The following CCDC3 variants were observed in gnomAD, a reference collection of about 807,000 sequenced individuals.
CCDC3 encodes coiled-coil domain containing 3.
CCDC3 carries 24 observed loss-of-function variants against 21.4 expected under a neutral mutation model. That is an observed-to-expected ratio of 1.12 (90% CI 0.81 to 1.58). The LOEUF (loss-of-function observed/expected upper bound fraction) is 1.58. CCDC3 is among the 40% of genes most tolerant of loss of function. The pLI, the probability that CCDC3 is intolerant of heterozygous loss-of-function variation, is 0.00. For missense variants in CCDC3, 425 were observed against 360.9 expected (o/e 1.18, Z -1.44); for synonymous variants, 186 against 166.0 (o/e 1.12, Z -0.93).
At chr10:13,069,458 C>G (rs1020114282) in intron 4 of CCDC3, among the ~76,000 whole-genome samples, 2 of 152,120 alleles carry the variant, frequency 1.3e-5, no homozygotes, top group Admixed American at 1.3e-4. Context: ...ATTTCTGAGT[C>G]ATTATTTTGG....
intron 2 of CCDC3, among the ~76,000 whole-genome samples, chr10:12,988,635 C>T (rs1472717527): frequency 2.0e-5 from 3 of 152,076 alleles, no homozygotes; most frequent in Admixed American, 6.5e-5. Context: ...TGAGCCACCG[C>T]GCCCCACCTA....
At chr10:12,921,172 C>A (rs890798638) in intron 2 of CCDC3, among the ~76,000 whole-genome samples, 1 of 152,144 alleles carries the variant, frequency 6.6e-6, no homozygotes. Flanking sequence ...CTCTCTTTTG[C>A]GAGCAGTCTG....
intron 2 of CCDC3, among the ~76,000 whole-genome samples, chr10:12,947,637 A>G (rs1355780061): frequency 6.6e-6 from 1 of 152,220 alleles, no homozygotes; most frequent in African/African-American, 2.4e-5. Flanking sequence ...AGATCTTCTA[A>G]TTATTTTGAG....
At chr10:12,918,871 G>A (rs928631632) in intron 2 of CCDC3, among the ~76,000 whole-genome samples, 1 of 152,092 alleles carries the variant, frequency 6.6e-6, no homozygotes, top group Non-Finnish European at 1.5e-5. Flanking sequence ...GGCTAACACG[G>A]TGAAACCCCA....
At chr10:12,983,859 C>T (rs145306377) in intron 2 of CCDC3, among the ~76,000 whole-genome samples, 29 of 152,210 alleles carry the variant, frequency 1.9e-4, no homozygotes, top group African/African-American at 6.5e-4. Context: ...GTGGGCAGAT[C>T]ACTTGAGGTC....
At chr10:12,985,586 T>C (rs1161568879) in intron 2 of CCDC3, among the ~76,000 whole-genome samples, 1 of 152,214 alleles carries the variant, frequency 6.6e-6, no homozygotes, top group East Asian at 1.9e-4. Flanking sequence ...CATGGAATAC[T>C]ACCCAGCAAT....
intron 3 of CCDC3, among the ~76,000 whole-genome samples, chr10:13,097,274 C>T (rs1409701403): frequency 1.3e-5 from 2 of 152,198 alleles, no homozygotes; most frequent in African/African-American, 4.8e-5. Context: ...AGTCACCAAA[C>T]GGGATGATCC....
At position 12,983,128 on chromosome 10, in the gene CCDC3, GTGTATATATATATATATATATATATA is replaced by G. The variant is rs1199253222; in HGVS notation, c.549+15184_549+15209del. 8.5e-3 allele frequency among the ~76,000 whole-genome samples: 1,002 copies of G among 117,846 alleles called. 33 individuals carry two copies. Among genetic ancestry groups the G allele is most frequent in the African/African-American group, 0.03 (914 of 30,946 alleles). 77.3% of individuals were successfully genotyped at this position (117,846 alleles called of 152,430 possible). On this transcript the variant is annotated intron_variant, in intron 2 of 2. Transcript: ENST00000378825. ...AAAAAATAAATAAATAAATAAAATA[GTGTATATATATATATATATATATATA>G]TATATATATATATATATATAAAATC... is the stretch of plus-strand genomic sequence containing the variant.
intron 5 of CCDC3, among the ~76,000 whole-genome samples, chr10:13,047,690 CG>C (rs1318351259): frequency 1.3e-5 from 2 of 152,106 alleles, no homozygotes; most frequent in Non-Finnish European, 2.9e-5. Context: ...GATCTCCATC[CG>C]TGCCCTCCCT....
At chr10:13,057,135 A>T (rs966465075) in intron 4 of CCDC3, among the ~76,000 whole-genome samples, 7 of 152,004 alleles carry the variant, frequency 4.6e-5, no homozygotes, top group South Asian at 4.2e-4. Flanking sequence ...TCTATCAAAA[A>T]TTTTTTTAAA....
chr10:12,992,085 G>A (rs541091116), intron 2 of CCDC3, among the ~76,000 whole-genome samples: 29 of 151,006 alleles, frequency 1.9e-4, no homozygotes, highest in Non-Finnish European at 3.7e-4. Context: ...AAAAAAGAAA[G>A]AAAAAACAAA....
chr10:12,940,756 G>C (rs1330157896), intron 2 of CCDC3, among the ~76,000 whole-genome samples: 1 of 152,210 alleles, frequency 6.6e-6, no homozygotes, highest in Non-Finnish European at 1.5e-5. Context: ...AATTAAGTGA[G>C]AAAGAGCCTA....
rs1389300381 is a variant in CCDC3, at chr10:13,079,269, C to T, written c.-502-5169G>A. Among the ~76,000 whole-genome samples, 3 of 7,176 alleles carry T rather than the reference C, an allele frequency of 4.2e-4. No homozygotes were observed. The Non-Finnish European group carries it at 5.0e-3, about 12-fold the overall frequency. 4.7% of individuals were successfully genotyped at this position (7,176 alleles called of 152,430 possible). On this transcript the variant is annotated intron_variant, in intron 3 of 6. Transcript: ENST00000378839. ...TCTCTAGTCCTCTCTCATGAGGAGGCACGCGTTGTGGCCTTAGGGGTAAGG... is the reference window on the plus strand; with the variant it reads ...TCTCTAGTCCTCTCTCATGAGGAGGTACGCGTTGTGGCCTTAGGGGTAAGG...
intron 1 of CCDC3, 53 bp from the exon 2 acceptor site, chr10:12,998,565 A>G: frequency 2.6e-6 from 4 of 1,550,372 alleles, no homozygotes; most frequent in Non-Finnish European, 3.5e-6. Context: ...AGGGTGTACC[A>G]GCTCCAATCC....
chr10:12,939,895 C>T (rs1762047316), intron 2 of CCDC3, among the ~76,000 whole-genome samples: 1 of 152,206 alleles, frequency 6.6e-6, no homozygotes, highest in Non-Finnish European at 1.5e-5. Flanking sequence ...TGCTAATTCA[C>T]TTGGCTAATT....
chr10:12,994,548 A>G (rs1165274401), intron 2 of CCDC3, among the ~76,000 whole-genome samples: 1 of 152,160 alleles, frequency 6.6e-6, no homozygotes, highest in South Asian at 2.1e-4. Flanking sequence ...CAGGCCCTTC[A>G]TAACTGCTCT....
At chr10:12,996,499 C>A (rs112890838) in intron 2 of CCDC3, among the ~76,000 whole-genome samples, 5,327 of 152,232 alleles carry the variant, frequency 0.035, 106 homozygotes, top group Non-Finnish European at 0.041. Flanking sequence ...CTCTGCCCAG[C>A]TAATTTTTGT....
At chr10:12,965,289 G>A (rs1389249347) in intron 2 of CCDC3, among the ~76,000 whole-genome samples, 1 of 152,038 alleles carries the variant, frequency 6.6e-6, no homozygotes, top group Admixed American at 6.5e-5. Context: ...ATAAACTTGT[G>A]TATCTTTTAT....
intron 2 of CCDC3, among the ~76,000 whole-genome samples, chr10:12,996,380 G>A (rs903103981): frequency 2.0e-5 from 3 of 152,084 alleles, no homozygotes; most frequent in African/African-American, 4.8e-5. Flanking sequence ...CTGTCGCCCA[G>A]GCTGGAGTGC....
Sources: allele counts gnomAD v4.1 joint callset (sites outside exome capture counted in the v4.1 genomes callset), GRCh38; gene constraint gnomAD v4.1.1; transcripts MANE v1.5; gene names NCBI Gene and HGNC (gene_info 2026-07-23, HGNC 2026-07-21).